Variants in DLG2 observed in about 807,000 individuals in gnomAD.
DLG2 encodes the protein discs large MAGUK scaffold protein 2, also known as disks large homolog 2.
A neutral mutation model predicts 132.5 loss-of-function variants in DLG2; 45 were observed. The ratio of observed to expected loss-of-function variants is 0.34; its 90% CI spans 0.27 to 0.44. DLG2 has a LOEUF of 0.44. DLG2 is among the 20% of genes least tolerant of loss of function. The pLI is 1.00. For missense variants in DLG2, 1,045 were observed against 1,196.9 expected, an observed-to-expected ratio of 0.87 and a Z score of 1.87; for synonymous variants, 424 against 419.6, an observed-to-expected ratio of 1.01 and a Z score of -0.13.
intron 6 of DLG2, among the ~76,000 whole-genome samples, chr11:85,014,459 G>C (rs748981897): frequency 6.6e-6 from 1 of 152,116 alleles, no homozygotes; most frequent in Admixed American, 6.6e-5. Context: ...CAGATGGAAA[G>C]AAAAAGCATC....
At chr11:84,617,986 G>A (rs576037948) in intron 6 of DLG2, among the ~76,000 whole-genome samples, 1 of 152,128 alleles carries the variant, frequency 6.6e-6, no homozygotes, top group South Asian at 2.1e-4. Flanking sequence ...TGAAAGAAGG[G>A]CACTTAAACC....
chr11:84,749,095 A>G (rs1411103638), intron 6 of DLG2, among the ~76,000 whole-genome samples: 1 of 152,146 alleles, frequency 6.6e-6, no homozygotes, highest in African/African-American at 2.4e-5. Context: ...CAAGCTTTAT[A>G]ACCCACCCTC....
At chr11:84,339,465 A>G (rs1247454469) in intron 7 of DLG2, among the ~76,000 whole-genome samples, 6 of 152,182 alleles carry the variant, frequency 3.9e-5, no homozygotes, top group Non-Finnish European at 8.8e-5. Flanking sequence ...GCTTATTGGT[A>G]TTTGTTCATC....
chr11:85,450,163 G>A lies in DLG2; in HGVS notation c.40+148494C>T, dbSNP rs566111062. Among the ~76,000 whole-genome samples, 12 of 152,196 alleles carry A rather than the reference G, an allele frequency of 7.9e-5. No individual in the cohort carries two copies. The South Asian group carries it at 2.1e-3, about 26-fold the overall frequency. ...ATGACATAAATTTTAACTTGAAAGC[G>A]ATATCAGGGCAGCCTTTGTGGTTAT... On this transcript the variant is annotated intron_variant, in intron 3 of 27. Transcript: ENST00000376104.
At chr11:84,051,002 A>T (rs2096364312) in intron 11 of DLG2, among the ~76,000 whole-genome samples, 1 of 151,852 alleles carries the variant, frequency 6.6e-6, no homozygotes, top group African/African-American at 2.4e-5. Flanking sequence ...ACATTTATGC[A>T]GCCAAAAGAC....
At chr11:85,498,086 C>T (rs61653387) in intron 3 of DLG2, among the ~76,000 whole-genome samples, 3,437 of 152,254 alleles carry the variant, frequency 0.023, 119 homozygotes, top group African/African-American at 0.077. Context: ...ACATTATTAA[C>T]CTTAAATGTA....
At chr11:84,328,343 G>C (rs759950388) in intron 7 of DLG2, among the ~76,000 whole-genome samples, 2 of 151,828 alleles carry the variant, frequency 1.3e-5, no homozygotes, top group South Asian at 4.2e-4. Flanking sequence ...AAAGGAAGGA[G>C]GGAATGGTCA....
chr11:84,216,201 G>A (rs974873307), intron 8 of DLG2, among the ~76,000 whole-genome samples: 2 of 152,052 alleles, frequency 1.3e-5, no homozygotes, highest in African/African-American at 2.4e-5. Flanking sequence ...ATTCAAGCAA[G>A]CATCAGCAGG....
At chr11:85,053,906 T>C (rs1355260194) in intron 6 of DLG2, among the ~76,000 whole-genome samples, 2 of 149,146 alleles carry the variant, frequency 1.3e-5, no homozygotes, top group Non-Finnish European at 3.0e-5. Flanking sequence ...ACTAATGAAA[T>C]AGTGATTCAT....
intron 17 of DLG2, chr11:83,815,148 C>A: frequency 6.5e-6 from 1 of 154,676 alleles, no homozygotes. Context: ...TTTTTCCTGG[C>A]ATGCACCTGA....
chr11:84,484,381 C>T (rs1352214263), intron 7 of DLG2, among the ~76,000 whole-genome samples: 5 of 152,192 alleles, frequency 3.3e-5, no homozygotes, highest in African/African-American at 1.2e-4. Context: ...TCACTGTGGA[C>T]ACAACGTTTG....
intron 6 of DLG2, among the ~76,000 whole-genome samples, chr11:85,022,332 G>A (rs907185006): frequency 6.6e-6 from 1 of 152,008 alleles, no homozygotes; most frequent in East Asian, 1.9e-4. Flanking sequence ...TCTTAAAATA[G>A]AAAATGAAAT....
At position 85,557,224 on chromosome 11, in the gene DLG2, A is replaced by G. The variant is rs149314638; in HGVS notation, c.40+41433T>C. Among the ~76,000 whole-genome samples, 1,103 of 151,974 alleles carry G rather than the reference A, an allele frequency of 7.3e-3. 56 individuals are homozygous for G. Among genetic ancestry groups the G allele is most frequent in the Admixed American group, 0.064 (971 of 15,228 alleles). On this transcript the variant is annotated intron_variant, in intron 3 of 27. Transcript: ENST00000376104. ...ACAATAACCACACTACACATACATA[A>G]AATACCTAAGACTACATCTAACCAA...
chr11:85,313,305 G>A (rs181137355), intron 3 of DLG2, among the ~76,000 whole-genome samples: 38 of 151,986 alleles, frequency 2.5e-4, no homozygotes, highest in Middle Eastern at 3.4e-3. Context: ...TAAAGTTCTT[G>A]AATTAATGCT....
At chr11:84,495,834 C>T (rs1218912033) in intron 7 of DLG2, among the ~76,000 whole-genome samples, 1 of 152,076 alleles carries the variant, frequency 6.6e-6, no homozygotes, top group African/African-American at 2.4e-5. Flanking sequence ...ATAGGTGATC[C>T]ACGTATGTTT....
intron 8 of DLG2, among the ~76,000 whole-genome samples, chr11:84,186,012 T>C (rs1428688368): frequency 1.3e-5 from 2 of 152,170 alleles, no homozygotes; most frequent in Admixed American, 6.6e-5. Context: ...GCCATGATTG[T>C]TTCTAATTAG....
At position 83,605,007 on chromosome 11, in the gene DLG2, C is replaced by CAGAGAGAGAGAGAG. The variant is rs71066055; in HGVS notation, c.1940+28190_1940+28203dup. Among the ~76,000 whole-genome samples the CAGAGAGAGAGAGAG allele has an allele frequency of 5.3e-3, 685 of 129,878 alleles. 6 individuals carry two copies. The highest frequency in any genetic ancestry group is 0.014 in the African/African-American group (471 of 34,094). 85.2% of individuals were successfully genotyped at this position (129,878 alleles called of 152,430 possible). A position where few individuals can be genotyped will look rare whatever the true frequency, so the allele number is the denominator to read the frequency against. On this transcript the variant is annotated intron_variant, in intron 19 of 27. Transcript: ENST00000376104. ...TTTGAAATGGACCAGTTTTCAAAGA[C>CAGAGAGAGAGAGAG]AGAGAGAGAGAGAGAGAGAGAGAGA...
rs889368327 is a variant in DLG2 at position 84,887,127 on chromosome 11, T to C, written c.357+224534A>G. On this transcript the variant is annotated intron_variant, in intron 6 of 27. Coordinates refer to ENST00000376104, the MANE Select transcript of DLG2 (RefSeq NM_001142699.3). ...GTTAAATTCATACTTTAGGTTCTGA[T>C]ATGAAAGAGATACAGAGCACCTTTA... 10 of 152,162 alleles carry C rather than the reference T, an allele frequency of 6.6e-5. No individual in the cohort carries two copies. The East Asian group carries it at 1.5e-3, about 23-fold the overall frequency. 9.4% of individuals were successfully genotyped at this position (152,162 alleles called of 1,614,324 possible). A position where few individuals can be genotyped will look rare whatever the true frequency, so the allele number is the denominator to read the frequency against.
chr11:84,038,615 G>A (rs1268520804), intron 11 of DLG2, among the ~76,000 whole-genome samples: 1 of 151,906 alleles, frequency 6.6e-6, no homozygotes, highest in African/African-American at 2.4e-5. Flanking sequence ...CCCTCTCTGG[G>A]GCAACTACTG....
Sources: allele counts gnomAD v4.1 joint callset (sites outside exome capture counted in the v4.1 genomes callset), GRCh38; gene constraint gnomAD v4.1.1; transcripts MANE v1.5; gene names NCBI Gene and HGNC (gene_info 2026-07-23, HGNC 2026-07-21).